LRMDA: variants seen among roughly 807,000 people sequenced by gnomAD.
LRMDA encodes the protein leucine rich melanocyte differentiation associated.
A neutral mutation model predicts 29.8 loss-of-function variants in LRMDA; 18 were observed. The observed-to-expected ratio is 0.60, with a 90% CI of 0.42 to 0.90. The LOEUF is 0.90. LRMDA is among the 40% of genes least tolerant of loss of function. LRMDA has a pLI of 0.00. For synonymous variants in LRMDA, 125 were observed against 109.4 expected (o/e 1.14, Z -0.89); for missense variants, 273 against 273.9 (o/e 1.00, Z 0.02).
At chr10:75,988,462 C>T (rs1847300811) in intron 2 of LRMDA, among the ~76,000 whole-genome samples, 1 of 152,086 alleles carries the variant, frequency 6.6e-6, no homozygotes, top group Non-Finnish European at 1.5e-5. Context: ...CCACCCCCAA[C>T]ATGCACACAT....
In LRMDA at chr10:75,726,044, A is replaced by G. The variant is rs547104003; in HGVS notation, c.131+287550A>G. On this transcript the variant is annotated intron_variant, in intron 2 of 6. Coordinates refer to ENST00000611255, the MANE Select transcript of LRMDA (RefSeq NM_001305581.2). ...ACCGTGAAGAGAGTGTAAGTAGTTT[A>G]GTGCAATCAGTCAACACTACTGGAA... is the stretch of plus-strand genomic sequence containing the variant. Among the ~76,000 whole-genome samples, 10 of 152,318 alleles carry G rather than the reference A, an allele frequency of 6.6e-5. No homozygotes were observed. The South Asian group carries it at 2.1e-3, about 32-fold the overall frequency.
intron 2 of LRMDA, among the ~76,000 whole-genome samples, chr10:75,446,726 C>G (rs2132027965): frequency 6.6e-6 from 1 of 152,252 alleles, no homozygotes; most frequent in South Asian, 2.1e-4. Flanking sequence ...ATATAAATAC[C>G]TTAGCTTTCC....
chr10:75,433,059 G>A (rs1461014057), intron 1 of LRMDA, among the ~76,000 whole-genome samples: 5 of 152,016 alleles, frequency 3.3e-5, no homozygotes, highest in African/African-American at 4.8e-5. Flanking sequence ...TAAAAATGAC[G>A]GGTCTTGTTC....
intron 2 of LRMDA, among the ~76,000 whole-genome samples, chr10:75,583,874 T>G (rs1840624997): frequency 6.6e-6 from 1 of 152,178 alleles, no homozygotes; most frequent in Non-Finnish European, 1.5e-5. Context: ...CAGGCTGTCC[T>G]CCTGTTTTAG....
At chr10:76,274,128 G>C (rs900067186) in intron 5 of LRMDA, among the ~76,000 whole-genome samples, 2 of 152,100 alleles carry the variant, frequency 1.3e-5, no homozygotes, top group African/African-American at 4.8e-5. Flanking sequence ...ATCCTAGACT[G>C]TTTCAGGATC....
intron 6 of LRMDA, among the ~76,000 whole-genome samples, chr10:76,410,021 C>T (rs185627113): frequency 1.1e-4 from 17 of 152,052 alleles, no homozygotes; most frequent in Admixed American, 9.2e-4. Flanking sequence ...CCTCGACAAC[C>T]GTATCACAAC....
chr10:75,891,695 G>A (rs1845494643), intron 2 of LRMDA, among the ~76,000 whole-genome samples: 1 of 152,206 alleles, frequency 6.6e-6, no homozygotes, highest in South Asian at 2.1e-4. Flanking sequence ...ATCAGAGTGT[G>A]ATTGCCATGG....
intron 5 of LRMDA, among the ~76,000 whole-genome samples, chr10:76,227,602 T>C (rs1851983901): frequency 6.6e-6 from 1 of 152,220 alleles, no homozygotes; most frequent in Admixed American, 6.5e-5. Flanking sequence ...AGCCAAATTG[T>C]AAAGCCATTC....
In LRMDA at chr10:76,363,217, GAGAAAGAAAGAA is replaced by G. The variant is rs796149725; in HGVS notation, c.601+38761_601+38772del. Among the ~76,000 whole-genome samples, 14 of 18,072 alleles carry G rather than the reference GAGAAAGAAAGAA, an allele frequency of 7.7e-4. 3 individuals carry two copies. Among genetic ancestry groups the G allele is most frequent in the Admixed American group, 4.8e-3 (13 of 2,682 alleles). The allele number at this position is 18,072 out of a possible 152,430, so 11.9% of individuals were successfully genotyped here. A position where few individuals can be genotyped will look rare whatever the true frequency, so the allele number is the denominator to read the frequency against. ...GGGAGGGAGGGAGGGAGGGAAGGAA[GAGAAAGAAAGAA>G]AGAAAGAAAGAAAGAAAGAAAGAAA... On this transcript the variant is annotated intron_variant, in intron 6 of 6. Transcript: ENST00000611255.
intron 2 of LRMDA, among the ~76,000 whole-genome samples, chr10:75,438,707 G>A (rs1844290950): frequency 1.3e-5 from 2 of 152,212 alleles, no homozygotes; most frequent in African/African-American, 4.8e-5. Flanking sequence ...TGAAGAGGCA[G>A]GCAGCATATT....
At chr10:76,059,648 AG>A (rs1371881768) in intron 5 of LRMDA, among the ~76,000 whole-genome samples, 2 of 152,218 alleles carry the variant, frequency 1.3e-5, no homozygotes, top group African/African-American at 4.8e-5. Flanking sequence ...CTGATATCCT[AG>A]AAGTCTAGTT....
At chr10:76,104,975 C>T (rs1849456940) in intron 5 of LRMDA, among the ~76,000 whole-genome samples, 1 of 152,174 alleles carries the variant, frequency 6.6e-6, no homozygotes, top group Admixed American at 6.5e-5. Context: ...TTCTCTCTGC[C>T]TGCAAGTGTC....
intron 2 of LRMDA, among the ~76,000 whole-genome samples, chr10:75,722,813 G>T (rs1842584814): frequency 6.6e-6 from 1 of 152,212 alleles, no homozygotes; most frequent in African/African-American, 2.4e-5. Flanking sequence ...TGGTGACATA[G>T]GTGATGAAAT....
intron 2 of LRMDA, among the ~76,000 whole-genome samples, chr10:75,483,552 A>G (rs897945129): frequency 3.9e-5 from 6 of 152,232 alleles, no homozygotes; most frequent in Non-Finnish European, 8.8e-5. Flanking sequence ...TATTTTCTGC[A>G]CCAATAAAAC....
chr10:76,378,826 GTCTTT>G (rs1273895679), intron 6 of LRMDA, among the ~76,000 whole-genome samples: 6 of 142,042 alleles, frequency 4.2e-5, no homozygotes, highest in African/African-American at 1.3e-4. Flanking sequence ...GTATTGGTGT[GTCTTT>G]TCTTTTCTCT....
rs573998752 is a variant in LRMDA at position 76,190,559 on chromosome 10, G to A, written c.516+131776G>A. Reference sequence around the variant, plus strand: ...TTCTGTCAAGTTTATTATCCAAGGAGGAGATTCCTTTCAGTCCCAGATGGG... The same window carrying A: ...TTCTGTCAAGTTTATTATCCAAGGAAGAGATTCCTTTCAGTCCCAGATGGG... On this transcript the variant is annotated intron_variant, in intron 5 of 6. Coordinates refer to ENST00000611255, the MANE Select transcript of LRMDA (RefSeq NM_001305581.2). Among the ~76,000 whole-genome samples, 26 of 152,306 alleles carry A rather than the reference G, an allele frequency of 1.7e-4. No individual in the cohort carries two copies. In the South Asian group the frequency reaches 4.8e-3, roughly 28 times the overall value.
At chr10:75,683,544 A>G (rs544875404) in intron 2 of LRMDA, among the ~76,000 whole-genome samples, 110 of 152,302 alleles carry the variant, frequency 7.2e-4, no homozygotes, top group Admixed American at 4.1e-3. Context: ...TGCATGCTAC[A>G]GTAATCATAG....
intron 2 of LRMDA, among the ~76,000 whole-genome samples, chr10:75,572,396 C>T (rs1840448840): frequency 6.6e-6 from 1 of 151,636 alleles, no homozygotes; most frequent in South Asian, 2.1e-4. Context: ...TGTAACAAAG[C>T]ACAGGCTTTG....
chr10:76,314,394 A>G (rs1840666324), intron 5 of LRMDA, among the ~76,000 whole-genome samples: 2 of 152,174 alleles, frequency 1.3e-5, no homozygotes, highest in South Asian at 2.1e-4. Flanking sequence ...TTTAGGTTCT[A>G]TCTGCAACAT....
Sources: allele counts gnomAD v4.1 joint callset (sites outside exome capture counted in the v4.1 genomes callset), GRCh38; gene constraint gnomAD v4.1.1; transcripts MANE v1.5; gene names NCBI Gene and HGNC (gene_info 2026-07-23, HGNC 2026-07-21).